The following MTMR10 variants were observed in gnomAD, a reference collection of about 807,000 sequenced individuals.
MTMR10 encodes the protein myotubularin-related protein 10.
In MTMR10, 56 loss-of-function variants were observed where a neutral mutation model predicts 88.1. The ratio of observed to expected loss-of-function variants is 0.64; its 90% CI spans 0.51 to 0.79. MTMR10 has a LOEUF of 0.79. Ranked by LOEUF, MTMR10 falls within the 30% of genes least tolerant of loss-of-function variation. The pLI is 0.00. For synonymous variants in MTMR10, 380 were observed against 340.9 expected, an observed-to-expected ratio of 1.11 and a Z score of -1.26; for missense variants, 883 against 924.7, an observed-to-expected ratio of 0.95 and a Z score of 0.58.
chr15:30,927,600 T>C, the MTMR10 span: 1 of 985,504 alleles, frequency 1.0e-6, no homozygotes, highest in Non-Finnish European at 1.2e-6. Flanking sequence ...GCAGATGGGT[T>C]GGGGCCTGTA....
At chr15:30,975,816 C>A (rs1321367991) in intron 3 of MTMR10, among the ~76,000 whole-genome samples, 3 of 152,082 alleles carry the variant, frequency 2.0e-5, no homozygotes, top group Non-Finnish European at 2.9e-5. Flanking sequence ...GTTTACAGTT[C>A]ATATACCAAT....
At chr15:30,949,032 T>C (rs1028169401) in intron 12 of MTMR10, 2 of 152,362 alleles carry the variant, frequency 1.3e-5, no homozygotes, top group African/African-American at 4.8e-5. Context: ...TCAATAAAAA[T>C]ATGAGTAAAC....
chr15:30,967,667 G>A (rs2272218), intron 6 of MTMR10, among the ~76,000 whole-genome samples: 106,271 of 152,028 alleles, frequency 0.7, 38,244 homozygotes, highest in East Asian at 0.87. Context: ...ATACAAGCCA[G>A]TGACTGGAGA....
chr15:30,955,274 C>T (rs146956936), intron 9 of MTMR10, among the ~76,000 whole-genome samples: 2 of 152,274 alleles, frequency 1.3e-5, no homozygotes, highest in South Asian at 2.1e-4. Context: ...AGATCATTTC[C>T]TTCTTTTTCT....
chr15:30,946,890 T>C, intron 14 of MTMR10: 1 of 606,166 alleles, frequency 1.6e-6, no homozygotes, highest in East Asian at 2.8e-5. Flanking sequence ...GTAATTTACA[T>C]CTTTAAAGGG....
chr15:30,956,962 G>A (rs537615078), intron 9 of MTMR10, among the ~76,000 whole-genome samples: 6 of 152,116 alleles, frequency 3.9e-5, no homozygotes, highest in African/African-American at 1.2e-4. Flanking sequence ...ATACGGACTC[G>A]TGTGAACTAT....
Position 30,939,387 on chromosome 15 carries a change from C to T in MTMR10, c.*2083G>A. On this transcript the variant is annotated 3_prime_UTR_variant, in exon 16 of 16. Transcript: ENST00000435680. ...CTCTAGTGCGCCCTGTGCAGCCACACCACTGCTGTCACCACATGTCCCTCT... is the reference window on the plus strand; with the variant it reads ...CTCTAGTGCGCCCTGTGCAGCCACATCACTGCTGTCACCACATGTCCCTCT... 3 of 985,480 alleles carry T rather than the reference C, an allele frequency of 3.0e-6. No individual in the cohort carries two copies. Among genetic ancestry groups the T allele is most frequent in the Non-Finnish European group, 3.6e-6 (3 of 829,956 alleles). 61.0% of individuals were successfully genotyped at this position (985,480 alleles called of 1,614,324 possible).
intron 6 of MTMR10, among the ~76,000 whole-genome samples, chr15:30,962,728 T>A (rs1043095126): frequency 4.6e-5 from 7 of 152,212 alleles, no homozygotes; most frequent in African/African-American, 1.7e-4. Flanking sequence ...TAAGATTTTA[T>A]CTCTATCTTG....
intron 5 of MTMR10, among the ~76,000 whole-genome samples, chr15:30,973,365 C>T (rs1232040577): frequency 6.6e-6 from 1 of 152,008 alleles, no homozygotes. Context: ...TGCTTGCCTT[C>T]CTGTGAAGAA....
chr15:30,965,867 T>C (rs1184812579), intron 6 of MTMR10: 1 of 317,308 alleles, frequency 3.2e-6, no homozygotes, highest in Non-Finnish European at 6.4e-6. Flanking sequence ...AACAGCTTTG[T>C]CACCTACCTG....
chr15:30,926,018 G>GCCCA, the MTMR10 span: 2 of 1,409,182 alleles, frequency 1.4e-6, no homozygotes, highest in Non-Finnish European at 2.0e-6. Context: ...TCAGCAGTGG[G>GCCCA]CTGCTGTCCT....
chr15:30,970,391 G>A (rs1396256105), intron 5 of MTMR10, among the ~76,000 whole-genome samples: 1 of 152,042 alleles, frequency 6.6e-6, no homozygotes, highest in Non-Finnish European at 1.5e-5. Context: ...GTGAGAAGAG[G>A]GAGACAGGCT....
At chr15:30,974,131 G>A (rs527620366) in intron 5 of MTMR10, among the ~76,000 whole-genome samples, 183 bp downstream of exon 5, 1 of 152,250 alleles carries the variant, frequency 6.6e-6, no homozygotes, top group African/African-American at 2.4e-5. Flanking sequence ...CTTTAAAACA[G>A]CCATAAACCA....
Position 30,939,610 on chromosome 15 carries a change from A to G in MTMR10, c.*1860T>C, listed in dbSNP as rs2140978936. ...TTTTAACCATTATTAATAGTACCTA[A>G]TATTTTTAAACTTGTAAATTAACAA... is the stretch of plus-strand genomic sequence containing the variant. On this transcript the variant is annotated 3_prime_UTR_variant, in exon 16 of 16. Transcript: ENST00000435680. 4 of 928,300 alleles carry G rather than the reference A, an allele frequency of 4.3e-6. No homozygotes were observed. The South Asian group carries it at 2.0e-4, about 46-fold the overall frequency. 57.5% of individuals were successfully genotyped at this position (928,300 alleles called of 1,614,324 possible).
chr15:30,991,582 G>GTGCGGCCGCCCAGGCCCTTTC lies in MTMR10; in HGVS notation c.-97_-77dup, dbSNP rs1474353091. ...GACGCCTCCGGGCGTAAAGCTCTCA[G>GTGCGGCCGCCCAGGCCCTTTC]TGCGGCCGCCCAGGCCCTTTCTGCG... On this transcript the variant is annotated 5_prime_UTR_variant, in exon 1 of 16. Coordinates refer to ENST00000435680, the MANE Select transcript of MTMR10 (RefSeq NM_017762.3). The GTGCGGCCGCCCAGGCCCTTTC allele has an allele frequency of 3.6e-5, 54 of 1,492,474 alleles. No individual in the cohort carries two copies. In the East Asian group the frequency reaches 1.4e-3, roughly 39 times the overall value. The allele number at this position is 1,492,474 out of a possible 1,614,324, so 92.5% of individuals were successfully genotyped here. A position where few individuals can be genotyped will look rare whatever the true frequency, so the allele number is the denominator to read the frequency against.
the MTMR10 span, among the ~76,000 whole-genome samples, chr15:30,929,919 A>G: frequency 2.6e-5 from 2 of 78,412 alleles, 1 homozygote; most frequent in Non-Finnish European, 4.5e-5. Context: ...TATAATATAT[A>G]TCATATATAA....
chr15:30,982,622 A>C (rs1471826362), intron 2 of MTMR10, among the ~76,000 whole-genome samples: 1 of 152,240 alleles, frequency 6.6e-6, no homozygotes, highest in Non-Finnish European at 1.5e-5. Flanking sequence ...ACAGAGGGAT[A>C]CAGGGGAAGA....
chr15:30,958,944 C>A lies in MTMR10; in HGVS notation c.854G>T (p.Cys285Phe). ...SFVGRRMPLW[C>F]WSHSNGSALV... ...AGCACTGCCGTTAGAGTGGCTCCAG[C>A]ACCAGAGCTAGGGGAGAGGTAGAAT... The change falls in exon 9 of 16, where the codon TGC becomes TTC. Residue 285 changes from cysteine to phenylalanine, a missense_variant. Cys to Phe is a radical substitution (Grantham distance 205, BLOSUM62 -2). Transcript: ENST00000435680. 1 of 1,614,006 alleles carries A rather than the reference C, an allele frequency of 6.2e-7. No homozygotes were observed. The highest frequency in any genetic ancestry group is 8.5e-7 in the Non-Finnish European group (1 of 1,179,888).
At chr15:30,974,224 G>C (rs1027946165) in intron 5 of MTMR10, 90 bp downstream of exon 5, 1 of 1,183,302 alleles carries the variant, frequency 8.5e-7, no homozygotes, top group African/African-American at 1.6e-5. Flanking sequence ...AAAAACATCT[G>C]AGCAATTGAG....
Sources: allele counts gnomAD v4.1 joint callset (sites outside exome capture counted in the v4.1 genomes callset), GRCh38; gene constraint gnomAD v4.1.1; transcripts MANE v1.5; gene names NCBI Gene and HGNC (gene_info 2026-07-23, HGNC 2026-07-21).